C8orf34: variants seen among roughly 807,000 people sequenced by gnomAD.
C8orf34 encodes chromosome 8 open reading frame 34, also known as uncharacterized protein C8orf34.
Under a neutral mutation model 68.3 loss-of-function variants are expected in C8orf34, and 65 were observed. That is an observed-to-expected ratio of 0.95 (90% CI 0.78 to 1.17). The LOEUF (loss-of-function observed/expected upper bound fraction) is 1.17, where lower values mean the gene tolerates loss of function less well. Among genes scored for constraint, C8orf34 ranks in the 50% most tolerant of loss-of-function variants. C8orf34 has a pLI of 0.00. For synonymous variants in C8orf34, 244 were observed against 241.2 expected, an observed-to-expected ratio of 1.01 and a Z score of -0.11; for missense variants, 664 against 655.4, an observed-to-expected ratio of 1.01 and a Z score of -0.14.
chr8:68,790,204 C>T (rs11985466), intron 12 of C8orf34, among the ~76,000 whole-genome samples: 22,631 of 152,132 alleles, frequency 0.15, 2,379 homozygotes, highest in East Asian at 0.47. Context: ...ATGTGGTTTG[C>T]AGAACAGCTG....
At chr8:68,481,884 G>A (rs566172767) in intron 4 of C8orf34, among the ~76,000 whole-genome samples, 1 of 152,310 alleles carries the variant, frequency 6.6e-6, no homozygotes, top group African/African-American at 2.4e-5. Flanking sequence ...ACTCTGGACT[G>A]TGGACTTTTG....
At chr8:68,330,817 GCA>G (rs1253382565), upstream of C8orf34, 2 of 494,506 alleles carry the variant, frequency 4.0e-6, no homozygotes, top group Non-Finnish European at 7.0e-6. Context: ...ACGCACGCAC[GCA>G]CACACACCGG....
chr8:68,375,031 T>C (rs1471705362), intron 1 of C8orf34, among the ~76,000 whole-genome samples: 2 of 152,194 alleles, frequency 1.3e-5, no homozygotes, highest in Admixed American at 1.3e-4. Context: ...AAAGATGTGA[T>C]AGAATCAACA....
intron 8 of C8orf34, among the ~76,000 whole-genome samples, chr8:68,665,435 A>G (rs891386436): frequency 2.0e-5 from 3 of 152,116 alleles, no homozygotes; most frequent in Admixed American, 6.5e-5. Context: ...GCTTTCCTGT[A>G]TTGTTGCATA....
At chr8:68,648,968 A>T (rs1445400941) in intron 8 of C8orf34, among the ~76,000 whole-genome samples, 1 of 152,226 alleles carries the variant, frequency 6.6e-6, no homozygotes. Context: ...AGTTGACTTG[A>T]GAAAACCTAT....
chr8:68,617,667 T>G (rs915872439), intron 7 of C8orf34, among the ~76,000 whole-genome samples: 51 of 152,246 alleles, frequency 3.3e-4, no homozygotes, highest in Admixed American at 4.6e-4. Context: ...GTTAGTCTGA[T>G]GGGCTTCCCT....
chr8:68,674,374 C>T (rs943427184), intron 8 of C8orf34, among the ~76,000 whole-genome samples: 2 of 151,934 alleles, frequency 1.3e-5, no homozygotes, highest in African/African-American at 4.8e-5. Flanking sequence ...TTTAAAATAG[C>T]CATTTTGAGA....
intron 5 of C8orf34, among the ~76,000 whole-genome samples, chr8:68,509,933 C>T (rs891161318): frequency 5.3e-5 from 8 of 152,102 alleles, no homozygotes; most frequent in African/African-American, 1.4e-4. Flanking sequence ...CCCCTGCTGT[C>T]GGTAGGCTCA....
chr8:68,396,567 G>A (rs1181012053), intron 1 of C8orf34, among the ~76,000 whole-genome samples: 1 of 151,576 alleles, frequency 6.6e-6, no homozygotes, highest in Non-Finnish European at 1.5e-5. Context: ...CCAACCTCCT[G>A]TTACGATTTG....
At chr8:68,562,312 A>G (rs77895489) in intron 7 of C8orf34, among the ~76,000 whole-genome samples, 2,495 of 152,292 alleles carry the variant, frequency 0.016, 74 homozygotes, top group African/African-American at 0.056. Flanking sequence ...GGGTGAGATC[A>G]TGATTCTAAA....
At chr8:68,463,592 C>A (rs1220840951) in intron 3 of C8orf34, among the ~76,000 whole-genome samples, 2 of 152,168 alleles carry the variant, frequency 1.3e-5, no homozygotes, top group Non-Finnish European at 2.9e-5. Context: ...GCTTATCCAC[C>A]ATGATCAACT....
intron 8 of C8orf34, among the ~76,000 whole-genome samples, chr8:68,660,906 G>C (rs190875622): frequency 1.8e-3 from 279 of 152,078 alleles, no homozygotes; most frequent in African/African-American, 6.3e-3. Context: ...AAAAAGGGGG[G>C]GGAAAAACAA....
chr8:68,670,351 T>C (rs1200254231), intron 8 of C8orf34, among the ~76,000 whole-genome samples: 2 of 152,196 alleles, frequency 1.3e-5, no homozygotes, highest in African/African-American at 2.4e-5. Flanking sequence ...AGAAATGAAT[T>C]ATCTTAAATC....
At chr8:68,733,836 A>T (rs1273264334) in intron 10 of C8orf34, among the ~76,000 whole-genome samples, 2 of 152,204 alleles carry the variant, frequency 1.3e-5, no homozygotes, top group African/African-American at 4.8e-5. Flanking sequence ...AGATTCAGAG[A>T]TAACACAAAC....
intron 9 of C8orf34, among the ~76,000 whole-genome samples, chr8:68,718,434 A>G (rs1403374197): frequency 1.3e-5 from 2 of 152,200 alleles, no homozygotes; most frequent in Admixed American, 6.5e-5. Context: ...GTTGCAGATT[A>G]TACTTTAAGC....
intron 8 of C8orf34, among the ~76,000 whole-genome samples, chr8:68,676,738 G>C (rs1820203453): frequency 6.6e-6 from 1 of 152,110 alleles, no homozygotes; most frequent in South Asian, 2.1e-4. Flanking sequence ...TCGTTTTCAT[G>C]CTGCTGATAA....
intron 12 of C8orf34, among the ~76,000 whole-genome samples, chr8:68,794,507 T>TATATATACA (rs1585894787): frequency 2.9e-5 from 2 of 69,282 alleles, no homozygotes; most frequent in Non-Finnish European, 5.2e-5. Flanking sequence ...ATATATATAT[T>TATATATACA]TTTTTTTTTT....
chr8:68,457,581 G>A (rs1008664340), intron 3 of C8orf34, among the ~76,000 whole-genome samples: 2 of 152,146 alleles, frequency 1.3e-5, no homozygotes, highest in South Asian at 2.1e-4. Flanking sequence ...AAAACGATTG[G>A]TGGAGGTCAT....
chr8:68,776,356 C>G, intron 10 of C8orf34, 43 bp from the exon 11 acceptor site: 2 of 1,466,304 alleles, frequency 1.4e-6, no homozygotes, highest in Non-Finnish European at 1.9e-6. Context: ...CTTTTTCTCT[C>G]CTTCTCCTGA....
Sources: gnomAD v4.1 joint callset for allele counts (sites outside exome capture counted in the v4.1 genomes callset) on GRCh38, gnomAD v4.1.1 for gene constraint, MANE v1.5 for transcripts, NCBI Gene and HGNC (gene_info 2026-07-23, HGNC 2026-07-21) for gene names.